Variants in ANKS1B observed in about 807,000 individuals in gnomAD.
The protein encoded by ANKS1B is ankyrin repeat and sterile alpha motif domain-containing protein 1B.
ANKS1B carries 36 observed loss-of-function variants against 148.3 expected under a neutral mutation model. The ratio of observed to expected loss-of-function variants is 0.24; its 90% CI spans 0.19 to 0.32. The LOEUF is 0.32. Among genes scored for constraint, ANKS1B ranks in the 10% least tolerant of loss-of-function variants. ANKS1B has a pLI of 1.00. For synonymous variants in ANKS1B, 542 were observed against 560.8 expected (o/e 0.97, Z 0.47); for missense variants, 1,157 against 1,542.6 (o/e 0.75, Z 4.19).
intron 16 of ANKS1B, among the ~76,000 whole-genome samples, chr12:99,061,346 C>T (rs898471176): frequency 3.9e-5 from 6 of 152,166 alleles, no homozygotes; most frequent in Non-Finnish European, 7.3e-5. Flanking sequence ...CAAAACAATA[C>T]CCTGGAGTCT....
chr12:99,033,002 T>C (rs2099953224), intron 17 of ANKS1B, among the ~76,000 whole-genome samples: 1 of 152,212 alleles, frequency 6.6e-6, no homozygotes, highest in African/African-American at 2.4e-5. Flanking sequence ...AGGCAAAACA[T>C]TTCTTGCAAA....
At chr12:99,457,170 A>C (rs544996621) in intron 10 of ANKS1B, among the ~76,000 whole-genome samples, 1 of 152,248 alleles carries the variant, frequency 6.6e-6, no homozygotes, top group South Asian at 2.1e-4. Context: ...AGCTGCATAA[A>C]TGAAAAAAAG....
intron 4 of ANKS1B, among the ~76,000 whole-genome samples, chr12:99,798,918 C>T (rs1249813725): frequency 6.6e-6 from 1 of 152,042 alleles, no homozygotes; most frequent in African/African-American, 2.4e-5. Context: ...TTTTGATCAT[C>T]TCTGCCTCTT....
At chr12:99,156,855 G>A (rs1003612293) in intron 14 of ANKS1B, among the ~76,000 whole-genome samples, 11 of 152,114 alleles carry the variant, frequency 7.2e-5, no homozygotes, top group African/African-American at 2.7e-4. Flanking sequence ...TAAAGATTCA[G>A]TACATACCTG....
At chr12:99,777,827 A>G (rs1412756644) in intron 6 of ANKS1B, among the ~76,000 whole-genome samples, 4 of 150,464 alleles carry the variant, frequency 2.7e-5, no homozygotes, top group East Asian at 2.0e-4. Flanking sequence ...CTCGTGATCC[A>G]CCCACCTCAG....
intron 17 of ANKS1B, among the ~76,000 whole-genome samples, chr12:98,931,013 C>T (rs1054719378): frequency 1.3e-5 from 2 of 151,798 alleles, no homozygotes; most frequent in Admixed American, 1.3e-4. Context: ...GCAGCTCTGG[C>T]AGAAAATGAT....
intron 9 of ANKS1B, among the ~76,000 whole-genome samples, chr12:99,558,006 C>T (rs141651605): frequency 2.0e-3 from 310 of 152,228 alleles, no homozygotes; most frequent in African/African-American, 6.7e-3. Context: ...TTCTCTGACC[C>T]CTTGCAGTTA....
At chr12:99,356,005 A>T (rs1383346613) in intron 12 of ANKS1B, among the ~76,000 whole-genome samples, 3 of 152,130 alleles carry the variant, frequency 2.0e-5, no homozygotes, top group Non-Finnish European at 2.9e-5. Flanking sequence ...ACAATAATTG[A>T]ACAGGAAAAG....
At chr12:99,602,769 T>A (rs941654397) in intron 9 of ANKS1B, among the ~76,000 whole-genome samples, 1 of 152,072 alleles carries the variant, frequency 6.6e-6, no homozygotes, top group African/African-American at 2.4e-5. Context: ...GGAGAAAAAT[T>A]AAAAATATTA....
intron 14 of ANKS1B, among the ~76,000 whole-genome samples, chr12:99,193,542 C>T (rs1012963827): frequency 1.3e-5 from 2 of 152,016 alleles, no homozygotes; most frequent in African/African-American, 4.8e-5. Context: ...TTTCTGAAGG[C>T]TCTTGTGTCA....
chr12:98,884,820 A>AG (rs1257573352), intron 17 of ANKS1B, among the ~76,000 whole-genome samples: 1 of 151,304 alleles, frequency 6.6e-6, no homozygotes, highest in Non-Finnish European at 1.5e-5. Context: ...AAAAAAAAAA[A>AG]AAAAAGAAAC....
chr12:99,001,911 C>G (rs1306602481), intron 17 of ANKS1B, among the ~76,000 whole-genome samples: 6 of 152,174 alleles, frequency 3.9e-5, no homozygotes. Context: ...ATTTATCTTT[C>G]TTCATTTGGC....
At chr12:99,522,185 T>C (rs547419300) in intron 9 of ANKS1B, among the ~76,000 whole-genome samples, 46 of 152,308 alleles carry the variant, frequency 3.0e-4, no homozygotes, top group African/African-American at 1.1e-3. Flanking sequence ...ATTTTTACAA[T>C]AGTAGCAGGC....
intron 14 of ANKS1B, among the ~76,000 whole-genome samples, chr12:99,192,046 C>T (rs922426799): frequency 2.1e-5 from 3 of 142,266 alleles, no homozygotes; most frequent in African/African-American, 5.2e-5. Flanking sequence ...GCAGGAGAAT[C>T]GCTTGAATCC....
chr12:98,840,792 A>G (rs73380453), intron 17 of ANKS1B, among the ~76,000 whole-genome samples: 1,650 of 152,328 alleles, frequency 0.011, 31 homozygotes, highest in African/African-American at 0.037. Context: ...ATCAGTTCCC[A>G]ACTAATTTCC....
At chr12:99,413,062 C>CA (rs1335512677) in intron 11 of ANKS1B, among the ~76,000 whole-genome samples, 1 of 151,922 alleles carries the variant, frequency 6.6e-6, no homozygotes, top group Non-Finnish European at 1.5e-5. Flanking sequence ...CAAACATAGA[C>CA]AAAAAATATA....
intron 9 of ANKS1B, among the ~76,000 whole-genome samples, chr12:99,583,067 C>A (rs2097585809): frequency 6.6e-6 from 1 of 152,130 alleles, no homozygotes; most frequent in Admixed American, 6.5e-5. Flanking sequence ...TGTTTTGTCA[C>A]AAACCAAGTG....
At chr12:98,881,019 T>A (rs1567485384) in intron 17 of ANKS1B, among the ~76,000 whole-genome samples, 1 of 152,170 alleles carries the variant, frequency 6.6e-6, no homozygotes, top group Admixed American at 6.5e-5. Context: ...AAAAATTTTT[T>A]AATGAATGAT....
chr12:99,074,858 T>C (rs1462159067), intron 16 of ANKS1B, among the ~76,000 whole-genome samples: 1 of 152,220 alleles, frequency 6.6e-6, no homozygotes, highest in African/African-American at 2.4e-5. Context: ...ACTATGTTCA[T>C]GATCTGTGTG....
Sources: gnomAD v4.1 joint callset for allele counts (sites outside exome capture counted in the v4.1 genomes callset) on GRCh38, gnomAD v4.1.1 for gene constraint, MANE v1.5 for transcripts, NCBI Gene and HGNC (gene_info 2026-07-23, HGNC 2026-07-21) for gene names.